TRERF1: variants seen among roughly 807,000 people sequenced by gnomAD.
TRERF1 encodes the protein transcriptional regulating factor 1, also known as transcriptional-regulating factor 1.
A neutral mutation model predicts 122.9 loss-of-function variants in TRERF1; 27 were observed. That is an observed-to-expected ratio of 0.22 (90% CI 0.16 to 0.30). The LOEUF is 0.30. TRERF1 is among the 10% of genes least tolerant of loss of function. TRERF1 has a pLI of 1.00. For missense variants in TRERF1, 1,248 were observed against 1,560.3 expected (o/e 0.80, Z 3.37); for synonymous variants, 636 against 641.7 (o/e 0.99, Z 0.13).
At chr6:42,442,546 T>G (rs1049016995) in intron 2 of TRERF1, among the ~76,000 whole-genome samples, 1 of 152,198 alleles carries the variant, frequency 6.6e-6, no homozygotes, top group African/African-American at 2.4e-5. Flanking sequence ...AGATGGCAAA[T>G]AGCTGCCCAA....
intron 2 of TRERF1, among the ~76,000 whole-genome samples, chr6:42,375,399 T>C (rs1401950603): frequency 6.6e-6 from 1 of 152,230 alleles, no homozygotes; most frequent in Admixed American, 6.5e-5. Context: ...CTCTTCTTTA[T>C]CCACACAAAT....
chr6:42,434,933 G>A (rs1295577280), intron 2 of TRERF1, among the ~76,000 whole-genome samples: 1 of 152,046 alleles, frequency 6.6e-6, no homozygotes, highest in African/African-American at 2.4e-5. Flanking sequence ...TTCAAGACCA[G>A]CCTGGCCAAC....
At position 42,236,313 on chromosome 6, in the gene TRERF1, G is replaced by A. The variant is rs541193438; in HGVS notation, c.2958C>T (p.Ser986=). The A allele has an allele frequency of 6.2e-6, 10 of 1,605,112 alleles. No homozygotes were observed. In the South Asian group the frequency reaches 1.1e-4, roughly 18 times the overall value. The change falls in exon 16 of 18, where the codon TCC becomes TCT. Residue 986 remains serine, a synonymous_variant. Transcript: ENST00000372922. ...GGACGGGGACGGGTGGTGGCTCCGG[G>A]GACTTCGGCACCTCACTCTCTTCTT...
chr6:42,429,878 C>G (rs577891315), intron 2 of TRERF1, among the ~76,000 whole-genome samples: 1 of 152,160 alleles, frequency 6.6e-6, no homozygotes, highest in South Asian at 2.1e-4. Flanking sequence ...GTCATTCGGG[C>G]GAAGGTGTGG....
exon 18 of TRERF1, chr6:42,225,492 A>C (rs562231199): frequency 6.6e-6 from 1 of 152,166 alleles, no homozygotes; most frequent in Non-Finnish European, 1.5e-5. Flanking sequence ...CAAAAGAAAA[A>C]TTATGAATAT....
intron 2 of TRERF1, among the ~76,000 whole-genome samples, chr6:42,368,869 T>C (rs889886181): frequency 2.0e-5 from 3 of 152,210 alleles, no homozygotes; most frequent in African/African-American, 7.2e-5. Context: ...GTAAGAAGTT[T>C]ATGACATTTG....
chr6:42,280,445 G>A (rs140202136), intron 4 of TRERF1, among the ~76,000 whole-genome samples: 2,120 of 152,224 alleles, frequency 0.014, 74 homozygotes, highest in East Asian at 0.077. Context: ...GCCCTGGCTC[G>A]CTTGCTCACT....
At position 42,259,687 on chromosome 6, in the gene TRERF1, C is replaced by T; in HGVS notation, c.1921G>A (p.Ala641Thr). 2 of 1,606,448 alleles carry T rather than the reference C, an allele frequency of 1.2e-6. No individual in the cohort carries two copies. Among genetic ancestry groups the T allele is most frequent in the South Asian group, 1.1e-5 (1 of 91,082 alleles). ...TGCACGGTCTTGAGGGGCTCCTCGG[C>T]TTTGGGCACACTCGGCTGATGCTTC... Residue 641 changes from alanine to threonine, a missense_variant, in exon 9 of 18, where the codon GCC becomes ACC. Coordinates refer to ENST00000372922, the Ensembl canonical transcript of TRERF1. The surrounding 1 kb of genome is among the most constrained non-coding windows in gnomAD (Gnocchi z 4.9).
intron 2 of TRERF1, among the ~76,000 whole-genome samples, chr6:42,368,777 T>A (rs1247834719): frequency 6.6e-6 from 1 of 152,172 alleles, no homozygotes; most frequent in Non-Finnish European, 1.5e-5. Context: ...TCTAATTTAT[T>A]GATTGCAGGA....
intron 14 of TRERF1, among the ~76,000 whole-genome samples, chr6:42,244,904 A>G (rs1310868209): frequency 6.6e-6 from 1 of 152,220 alleles, no homozygotes; most frequent in African/African-American, 2.4e-5. Flanking sequence ...GGTGAGGTGT[A>G]ATAACGTGGG....
chr6:42,354,155 T>G (rs1299075344), intron 3 of TRERF1, among the ~76,000 whole-genome samples: 1 of 152,142 alleles, frequency 6.6e-6, no homozygotes, highest in Non-Finnish European at 1.5e-5. Flanking sequence ...AGGGTGATTG[T>G]GTCAGTGCTT....
chr6:42,286,228 T>C lies in TRERF1; in HGVS notation c.-259+14410A>G. Among the ~76,000 whole-genome samples, 2 of 147,134 alleles carry C rather than the reference T, an allele frequency of 1.4e-5. 1 individual carries two copies. On this transcript the variant is annotated intron_variant, in intron 4 of 17. Coordinates refer to ENST00000372922, the Ensembl canonical transcript of TRERF1. ...GGCATTACCATTGAGGACATAGGCA[T>C]GGGCAAGGACTTCATGTCTAAAACA...
rs1161319382 is a variant in TRERF1 at position 42,277,974 on chromosome 6, A to AGAAGAAGAAGAC, written c.-258-8127_-258-8126insGTCTTCTTCTTC. Among the ~76,000 whole-genome samples, 7 of 147,122 alleles carry AGAAGAAGAAGAC rather than the reference A, an allele frequency of 4.8e-5. No individual in the cohort carries two copies. In the East Asian group the frequency reaches 8.0e-4, roughly 17 times the overall value. On this transcript the variant is annotated intron_variant, in intron 4 of 17. Coordinates refer to ENST00000372922, the Ensembl canonical transcript of TRERF1. ...AAGAAGAAGAAGAAGAAGAAGAAGA[A>AGAAGAAGAAGAC]GACTGCAATAGAAGACAGGAGCCCT...
chr6:42,375,080 C>G (rs574165122), intron 2 of TRERF1, among the ~76,000 whole-genome samples: 5 of 152,018 alleles, frequency 3.3e-5, no homozygotes, highest in African/African-American at 9.6e-5. Context: ...ATTAACACCC[C>G]TGGAAGCTGG....
chr6:42,431,721 AG>A (rs1472715136), intron 2 of TRERF1, among the ~76,000 whole-genome samples: 4 of 152,030 alleles, frequency 2.6e-5, no homozygotes, highest in Admixed American at 2.6e-4. Context: ...AATACACACC[AG>A]GGACCCCCCA....
chr6:42,365,807 T>C (rs1338435052), intron 2 of TRERF1, among the ~76,000 whole-genome samples: 1 of 152,192 alleles, frequency 6.6e-6, no homozygotes, highest in African/African-American at 2.4e-5. Context: ...GTCTCCTAAG[T>C]TACCTCCCAG....
chr6:42,233,281 CTTTTTTTTTT>C (rs926204150), intron 16 of TRERF1, among the ~76,000 whole-genome samples: 24 of 128,978 alleles, frequency 1.9e-4, no homozygotes, highest in African/African-American at 6.4e-4. Flanking sequence ...AGCTTTCAAA[CTTTTTTTTTT>C]TTTTTTTTTT....
chr6:42,381,379 A>C (rs1581902544), intron 2 of TRERF1, among the ~76,000 whole-genome samples: 2 of 151,092 alleles, frequency 1.3e-5, no homozygotes, highest in East Asian at 3.9e-4. Context: ...GGATTGGACC[A>C]CCCACCCAGG....
chr6:42,394,199 T>C (rs749593171), intron 2 of TRERF1, among the ~76,000 whole-genome samples: 5 of 152,046 alleles, frequency 3.3e-5, no homozygotes, highest in African/African-American at 9.7e-5. Flanking sequence ...ACTTTCCCCA[T>C]ATACTCCAAA....
Sources: allele counts gnomAD v4.1 joint callset (sites outside exome capture counted in the v4.1 genomes callset), GRCh38; gene constraint gnomAD v4.1.1; non-coding constraint Gnocchi (gnomAD v3.1); transcripts MANE v1.5; gene names NCBI Gene and HGNC (gene_info 2026-07-23, HGNC 2026-07-21).